TMEM117: variants seen among roughly 807,000 people sequenced by gnomAD.
The protein encoded by TMEM117 is transmembrane protein 117.
In TMEM117, 27 loss-of-function variants were observed where a neutral mutation model predicts 52.4. That is an observed-to-expected ratio of 0.51 (90% confidence interval 0.38 to 0.71). The LOEUF (loss-of-function observed/expected upper bound fraction) is 0.71, where lower values mean the gene tolerates loss of function less well. TMEM117 is among the 30% of genes least tolerant of loss of function. TMEM117 has a pLI of 0.00. For missense variants in TMEM117, 556 were observed against 630.5 expected (o/e 0.88, Z 1.26); for synonymous variants, 215 against 206.3 (o/e 1.04, Z -0.36).
chr12:44,308,843 T>G (rs1948424), intron 6 of TMEM117, among the ~76,000 whole-genome samples: 7,308 of 152,190 alleles, frequency 0.048, 362 homozygotes, highest in African/African-American at 0.12. Flanking sequence ...ATGGTCTCGA[T>G]CTCCTGACGT....
intron 5 of TMEM117, among the ~76,000 whole-genome samples, chr12:44,245,672 G>T (rs1408113222): frequency 6.6e-6 from 1 of 151,490 alleles, no homozygotes; most frequent in Non-Finnish European, 1.5e-5. Context: ...TTCCTATTTG[G>T]ATACCTTTTA....
chr12:44,276,168 C>T (rs1565663339), intron 5 of TMEM117, among the ~76,000 whole-genome samples: 1 of 152,036 alleles, frequency 6.6e-6, no homozygotes, highest in Admixed American at 6.6e-5. Context: ...ATGAGTATGT[C>T]AAAAAGATAC....
At chr12:44,365,616 A>T (rs185176467) in intron 6 of TMEM117, among the ~76,000 whole-genome samples, 145 of 152,190 alleles carry the variant, frequency 9.5e-4, no homozygotes, top group African/African-American at 3.2e-3. Context: ...CCTACCTACC[A>T]TATATATTTG....
the TMEM117 span, among the ~76,000 whole-genome samples, chr12:43,820,688 G>A: frequency 6.7e-6 from 1 of 149,706 alleles, no homozygotes; most frequent in East Asian, 2.0e-4. Context: ...CCACTTTATT[G>A]TCCTCATAAT....
intron 6 of TMEM117, among the ~76,000 whole-genome samples, chr12:44,349,497 T>A (rs1392111402): frequency 6.6e-6 from 1 of 151,992 alleles, no homozygotes; most frequent in Non-Finnish European, 1.5e-5. Flanking sequence ...CTTTTCTGAG[T>A]GCCTGTACTG....
chr12:44,131,129 T>C (rs1948407094), intron 3 of TMEM117, among the ~76,000 whole-genome samples: 2 of 152,150 alleles, frequency 1.3e-5, no homozygotes, highest in Admixed American at 1.3e-4. Flanking sequence ...GCATTTCTTA[T>C]TTTCCAATAT....
intron 6 of TMEM117, among the ~76,000 whole-genome samples, chr12:44,312,878 A>C (rs577253119): frequency 6.6e-6 from 1 of 152,140 alleles, no homozygotes; most frequent in Non-Finnish European, 1.5e-5. Flanking sequence ...GCATTTTTTC[A>C]TAAGCTTGTT....
intron 3 of TMEM117, among the ~76,000 whole-genome samples, chr12:44,115,819 A>G (rs577007589): frequency 1.2e-4 from 18 of 152,220 alleles, no homozygotes; most frequent in Non-Finnish European, 2.2e-4. Context: ...TTAGAGTTAA[A>G]TAGAGAAATC....
At chr12:44,271,521 C>T (rs1170402167) in intron 5 of TMEM117, among the ~76,000 whole-genome samples, 3 of 152,032 alleles carry the variant, frequency 2.0e-5, no homozygotes, top group Non-Finnish European at 4.4e-5. Flanking sequence ...CTTTTCAATA[C>T]GTGATGCTAG....
chr12:44,090,668 G>A (rs904403655), intron 3 of TMEM117, among the ~76,000 whole-genome samples: 5 of 150,734 alleles, frequency 3.3e-5, no homozygotes, highest in Admixed American at 6.6e-5. Flanking sequence ...AACCCCTGAC[G>A]TCCTAAGGTG....
chr12:43,981,774 C>T (rs1240455317), intron 3 of TMEM117, among the ~76,000 whole-genome samples: 1 of 151,866 alleles, frequency 6.6e-6, no homozygotes, highest in Non-Finnish European at 1.5e-5. Flanking sequence ...GAGATGTTCA[C>T]TCATATATGG....
chr12:43,877,626 C>T (rs1289721315), intron 2 of TMEM117, among the ~76,000 whole-genome samples: 1 of 139,302 alleles, frequency 7.2e-6, no homozygotes, highest in East Asian at 2.0e-4. Flanking sequence ...CATAGTGCGA[C>T]TCGGTCTCAA....
intron 3 of TMEM117, among the ~76,000 whole-genome samples, chr12:44,115,734 C>A (rs1433322761): frequency 6.6e-6 from 1 of 152,120 alleles, no homozygotes; most frequent in African/African-American, 2.4e-5. Context: ...TTCATTTACT[C>A]TTTGATTAAG....
intron 3 of TMEM117, among the ~76,000 whole-genome samples, chr12:44,035,591 G>A (rs1342176322): frequency 6.6e-6 from 1 of 152,190 alleles, no homozygotes; most frequent in Non-Finnish European, 1.5e-5. Context: ...GGGTAACACT[G>A]AACGTTGAAT....
Position 44,098,615 on chromosome 12 carries a change from A to G in TMEM117, c.411-44910A>G, listed in dbSNP as rs532293036. The stretch of plus-strand genomic sequence containing the variant: ...ATCAGTCTACTAAGGGTATATCCCT[A>G]AGGGCTAAACCCCTTCTTAGACTTC... On this transcript the variant is annotated intron_variant, in intron 3 of 7. Coordinates refer to ENST00000266534, the MANE Select transcript of TMEM117 (RefSeq NM_032256.3). Among the ~76,000 whole-genome samples the G allele has an allele frequency of 7.9e-5, 12 of 152,116 alleles. 1 individual carries two copies. In the South Asian group the frequency reaches 2.3e-3, roughly 29 times the overall value.
intron 5 of TMEM117, among the ~76,000 whole-genome samples, chr12:44,264,801 G>T (rs890881851): frequency 2.0e-5 from 3 of 151,952 alleles, no homozygotes; most frequent in Admixed American, 6.6e-5. Context: ...ATCACTAAAA[G>T]AATTGAAAAT....
intron 1 of TMEM117, among the ~76,000 whole-genome samples, chr12:43,837,377 G>C (rs1476631441): frequency 6.6e-6 from 1 of 151,812 alleles, no homozygotes; most frequent in Non-Finnish European, 1.5e-5. Context: ...ATGGAGTCGG[G>C]CTCTGTCGCT....
At chr12:44,058,297 A>T (rs1947089260) in intron 3 of TMEM117, among the ~76,000 whole-genome samples, 1 of 152,220 alleles carries the variant, frequency 6.6e-6, no homozygotes, top group African/African-American at 2.4e-5. Context: ...TCAAATCAGT[A>T]TGAAAAAGTC....
chr12:43,835,680 C>A (rs975514577), upstream of TMEM117, among the ~76,000 whole-genome samples: 24 of 152,258 alleles, frequency 1.6e-4, no homozygotes, highest in African/African-American at 5.5e-4. Context: ...CTCATTGGTT[C>A]CCTGCAGGAT....
Sources: gnomAD v4.1 joint callset for allele counts (sites outside exome capture counted in the v4.1 genomes callset) on GRCh38, gnomAD v4.1.1 for gene constraint, MANE v1.5 for transcripts, NCBI Gene and HGNC (gene_info 2026-07-23, HGNC 2026-07-21) for gene names.